The following LPA variants were observed in gnomAD, a reference collection of about 807,000 sequenced individuals.
LPA encodes the protein lipoprotein(a).
Under a neutral mutation model 197.9 loss-of-function variants are expected in LPA, and 199 were observed. The observed-to-expected ratio is 1.01, with a 90% CI of 0.90 to 1.13. The LOEUF (loss-of-function observed/expected upper bound fraction) is 1.13, where lower values mean the gene tolerates loss of function less well. Among genes scored for constraint, LPA ranks in the 50% most tolerant of loss-of-function variants. LPA has a pLI of 0.00. For synonymous variants in LPA, 715 were observed against 639.5 expected (o/e 1.12, Z -1.78); for missense variants, 1,853 against 1,785.8 (o/e 1.04, Z -0.68).
intron 18 of LPA, among the ~76,000 whole-genome samples, chr6:160,604,704 A>G (rs1357138803): frequency 6.6e-6 from 1 of 152,196 alleles, no homozygotes; most frequent in African/African-American, 2.4e-5. Context: ...ATTGGAGTTT[A>G]GTTTAATAGA....
chr6:160,542,564 C>T, intron 34 of LPA, 124 bp downstream of exon 34: 1 of 1,429,998 alleles, frequency 7.0e-7, no homozygotes, highest in Non-Finnish European at 9.5e-7. Context: ...ATATTTTTTC[C>T]TCCTTCAGAA....
At chr6:160,655,816 A>G (rs1451041108) in intron 1 of LPA, among the ~76,000 whole-genome samples, 1 of 152,212 alleles carries the variant, frequency 6.6e-6, no homozygotes, top group Non-Finnish European at 1.5e-5. Flanking sequence ...GTAATGGACC[A>G]GTGTTATATC....
At chr6:160,567,135 C>A (rs1281837772) in intron 28 of LPA, among the ~76,000 whole-genome samples, 3 of 152,182 alleles carry the variant, frequency 2.0e-5, no homozygotes, top group Non-Finnish European at 4.4e-5. Flanking sequence ...AGCTCTGCAC[C>A]AAGCAGACCT....
At chr6:160,548,201 A>G (rs900560290) in intron 31 of LPA, among the ~76,000 whole-genome samples, 1 of 152,162 alleles carries the variant, frequency 6.6e-6, no homozygotes, top group African/African-American at 2.4e-5. Context: ...GAAATAACCC[A>G]TTTTAGAATA....
At chr6:160,564,000 G>A (rs925490146) in intron 28 of LPA, among the ~76,000 whole-genome samples, 3 of 152,084 alleles carry the variant, frequency 2.0e-5, no homozygotes, top group South Asian at 2.1e-4. Flanking sequence ...CAAACCAATG[G>A]GTCTTGACTC....
At chr6:160,599,160 A>G (rs543496352) in intron 20 of LPA, among the ~76,000 whole-genome samples, 1 of 152,258 alleles carries the variant, frequency 6.6e-6, no homozygotes, top group East Asian at 1.9e-4. Flanking sequence ...TGGCTAGAAC[A>G]GTGAAACCCT....
intron 20 of LPA, 91 bp downstream of exon 20, chr6:160,599,409 T>C: frequency 6.4e-7 from 1 of 1,560,836 alleles, no homozygotes; most frequent in South Asian, 1.1e-5. Flanking sequence ...TGAGCCAAGT[T>C]GAGTCCTGAG....
intron 7 of LPA, 141 bp downstream of exon 7, chr6:160,634,982 C>G (rs1302751661): frequency 4.0e-6 from 6 of 1,501,532 alleles, no homozygotes; most frequent in African/African-American, 2.9e-5. Flanking sequence ...AGAGAGTACA[C>G]GGAGGCTTCC....
intron 27 of LPA, among the ~76,000 whole-genome samples, chr6:160,578,297 G>A (rs1220807732): frequency 6.6e-6 from 1 of 151,942 alleles, no homozygotes; most frequent in East Asian, 1.9e-4. Context: ...GTGCCCTGGC[G>A]GGTCTGTGCC....
chr6:160,661,813 T>C (rs1780231933), intron 1 of LPA, among the ~76,000 whole-genome samples: 1 of 152,202 alleles, frequency 6.6e-6, no homozygotes, highest in Non-Finnish European at 1.5e-5. Context: ...GAGTTGTGCT[T>C]GGGTAAATTC....
chr6:160,568,208 T>A (rs968408783), intron 28 of LPA, among the ~76,000 whole-genome samples: 2 of 152,086 alleles, frequency 1.3e-5, no homozygotes, highest in Non-Finnish European at 2.9e-5. Flanking sequence ...TAGACCAACA[T>A]CCATGATGAA....
chr6:160,541,850 T>C (rs1208906351), intron 34 of LPA, among the ~76,000 whole-genome samples: 2 of 152,126 alleles, frequency 1.3e-5, no homozygotes, highest in African/African-American at 2.4e-5. Flanking sequence ...ATGTGGAAGG[T>C]GAAAGCTCTG....
intron 31 of LPA, among the ~76,000 whole-genome samples, 167 bp downstream of exon 31, chr6:160,548,311 G>A (rs1289544180): frequency 6.6e-6 from 1 of 152,106 alleles, no homozygotes; most frequent in African/African-American, 2.4e-5. Context: ...GCTTTCCCAG[G>A]GACGGCACTG....
chr6:160,581,861 T>C (rs1208606266), intron 26 of LPA, among the ~76,000 whole-genome samples: 1 of 152,192 alleles, frequency 6.6e-6, no homozygotes, highest in Non-Finnish European at 1.5e-5. Context: ...TTAGATCTTC[T>C]AATTTTCTTC....
At chr6:160,568,026 C>G (rs960372878) in intron 28 of LPA, among the ~76,000 whole-genome samples, 18 of 151,312 alleles carry the variant, frequency 1.2e-4, no homozygotes, top group Admixed American at 1.2e-3. Flanking sequence ...CAAAAAAAGT[C>G]CAGGAGAGAT....
chr6:160,549,600 T>C (rs374647156), intron 30 of LPA, among the ~76,000 whole-genome samples: 2 of 152,296 alleles, frequency 1.3e-5, no homozygotes, highest in South Asian at 4.1e-4. Context: ...AGGCTCTGCA[T>C]TTACAGTGAA....
intron 37 of LPA, among the ~76,000 whole-genome samples, chr6:160,535,426 ATGG>A (rs1435409629): frequency 1.3e-5 from 1 of 78,762 alleles, no homozygotes; most frequent in Admixed American, 1.3e-4. Context: ...GGTGATGGTG[ATGG>A]TGGTAGTAGT....
At chr6:160,653,944 TATATATTATATATA>T (rs1562354251) in intron 1 of LPA, among the ~76,000 whole-genome samples, 4 of 40,110 alleles carry the variant, frequency 1.0e-4, no homozygotes, top group East Asian at 7.5e-4. Flanking sequence ...ATATATTTTA[TATATATTATATATA>T]ATATATATTA....
Position 160,537,840 on chromosome 6 carries a change from T to C in LPA, c.5842+15A>G. 1 of 1,609,636 alleles carries C rather than the reference T, an allele frequency of 6.2e-7. No individual in the cohort carries two copies. Among genetic ancestry groups the C allele is most frequent in the Non-Finnish European group, 8.5e-7 (1 of 1,175,974 alleles). The stretch of plus-strand genomic sequence containing the variant: ...CAAAAACAATTTGTTACGTGGGCAA[T>C]GGAATTGATCTCACCTTGGGTTTCT... On this transcript the variant is annotated intron_variant, in intron 37 of 38. Coordinates refer to ENST00000316300, the MANE Select transcript of LPA (RefSeq NM_005577.4).
Sources: allele counts gnomAD v4.1 joint callset (sites outside exome capture counted in the v4.1 genomes callset), GRCh38; gene constraint gnomAD v4.1.1; transcripts MANE v1.5; gene names NCBI Gene and HGNC (gene_info 2026-07-23, HGNC 2026-07-21).